SURF4: variants seen among roughly 807,000 people sequenced by gnomAD.
SURF4 encodes the protein surfeit locus protein 4.
A neutral mutation model predicts 30.0 loss-of-function variants in SURF4; 3 were observed. The observed-to-expected ratio is 0.10, with a 90% CI of 0.05 to 0.26. The LOEUF is 0.26. Among genes scored for constraint, SURF4 ranks in the 10% least tolerant of loss-of-function variants. The pLI, the probability that SURF4 is intolerant of heterozygous loss-of-function variation, is 1.00. For missense variants in SURF4, 217 were observed against 350.8 expected (o/e 0.62, Z 3.05); for synonymous variants, 143 against 139.9 (o/e 1.02, Z -0.16).
At chr9:133,373,402 C>A (rs1296954140) in intron 1 of SURF4, among the ~76,000 whole-genome samples, 1 of 152,156 alleles carries the variant, frequency 6.6e-6, no homozygotes, top group Admixed American at 6.5e-5. Context: ...TGAGACCAGC[C>A]TGGACAACAT....
chr9:133,375,989 G>C lies in SURF4; in HGVS notation c.-20C>G. On this transcript the variant is annotated 5_prime_UTR_variant, in exon 1 of 6. Coordinates refer to ENST00000371989, the MANE Select transcript of SURF4 (RefSeq NM_033161.4). ...GCCCATGGCGACGGCGGGAGGCTCGGCTCGGCTCGCTCGCTCGCTCGCTGG... is the reference window on the plus strand; with the variant it reads ...GCCCATGGCGACGGCGGGAGGCTCGCCTCGGCTCGCTCGCTCGCTCGCTGG... 1 of 1,224,162 alleles carries C rather than the reference G, an allele frequency of 8.2e-7. No homozygotes were observed. The highest frequency in any genetic ancestry group is 1.0e-6 in the Non-Finnish European group (1 of 980,704). 75.8% of individuals were successfully genotyped at this position (1,224,162 alleles called of 1,614,324 possible).
chr9:133,374,022 T>C (rs1040413307), intron 1 of SURF4, among the ~76,000 whole-genome samples: 2 of 151,676 alleles, frequency 1.3e-5, no homozygotes, highest in African/African-American at 4.8e-5. Context: ...GCAGCTTGAC[T>C]GGAGACATTT....
chr9:133,366,878 G>A lies in SURF4; in HGVS notation c.236-203C>T, dbSNP rs150785510. 1.9e-3 allele frequency among the ~76,000 whole-genome samples: 297 copies of A among 152,318 alleles called. 1 individual carries two copies. The highest frequency in any genetic ancestry group is 6.9e-3 in the African/African-American group (285 of 41,562). ...CTAGACTTATCACAAACACCAGAAAGTGGAGCCCTTGCCGTCATAAAGAAT... is the reference window on the plus strand; with the variant it reads ...CTAGACTTATCACAAACACCAGAAAATGGAGCCCTTGCCGTCATAAAGAAT... On this transcript the variant is annotated intron_variant, in intron 2 of 5. Coordinates refer to ENST00000371989, the MANE Select transcript of SURF4 (RefSeq NM_033161.4).
chr9:133,372,062 A>T (rs1837539858), intron 1 of SURF4, among the ~76,000 whole-genome samples: 2 of 152,250 alleles, frequency 1.3e-5, no homozygotes. Context: ...AATGAGGAGC[A>T]GCTGCAGGCA....
chr9:133,376,490 C>G (rs2130248480), upstream of SURF4: 17 of 1,594,706 alleles, frequency 1.1e-5, no homozygotes, highest in Non-Finnish European at 1.4e-5. Flanking sequence ...GGGCCAGGGT[C>G]CAATCGCAGG....
chr9:133,366,837 A>G (rs2130133648), intron 2 of SURF4, among the ~76,000 whole-genome samples, 162 bp from the exon 3 acceptor site: 6 of 152,192 alleles, frequency 3.9e-5, no homozygotes, highest in Non-Finnish European at 5.9e-5. Context: ...GGCAAGGACC[A>G]CACATGGTAA....
At chr9:133,375,521 G>T in intron 1 of SURF4, 1 of 688,090 alleles carries the variant, frequency 1.5e-6, no homozygotes, top group Non-Finnish European at 1.8e-6. Context: ...GGGAGCCCCA[G>T]TGAGAGGAAA....
intron 1 of SURF4, among the ~76,000 whole-genome samples, chr9:133,373,157 C>T (rs2130203853): frequency 0.014 from 2,111 of 152,294 alleles, 64 homozygotes; most frequent in African/African-American, 0.047. Flanking sequence ...GACCAAGACC[C>T]GGCTTTTCTT....
intron 1 of SURF4, chr9:133,372,720 G>T (rs1184321364): frequency 2.4e-6 from 2 of 816,358 alleles, no homozygotes; most frequent in South Asian, 1.1e-4. Context: ...ATCCTCTATC[G>T]GCTTCAAATT....
Position 133,363,627 on chromosome 9 carries a change from G to C in SURF4, c.676C>G (p.Pro226Ala). The change falls in exon 6 of 6, where the codon CCA (proline) becomes GCA (alanine). Residue 226 changes from proline to alanine, a missense_variant. By Grantham distance (27) the Pro-to-Ala change is conservative. Coordinates refer to ENST00000371989, the MANE Select transcript of SURF4 (RefSeq NM_033161.4). This position sits in a 1 kb window ranked among gnomAD's most constrained non-coding sequence, Gnocchi z 4.3. ...AAGTCATGCATGGGCTTGTAGACTGGAATGGTCCAGAAGGCGTTGAAATAT... is the reference window on the plus strand; with the variant it reads ...AAGTCATGCATGGGCTTGTAGACTGCAATGGTCCAGAAGGCGTTGAAATAT... ...NVYFNAFWTI[P>A]VYKPMHDFLK... is the part of the protein sequence containing the mutation. 1 of 1,614,202 alleles carries C rather than the reference G, an allele frequency of 6.2e-7. No individual in the cohort carries two copies. The highest frequency in any genetic ancestry group is 8.5e-7 in the Non-Finnish European group (1 of 1,180,042).
intron 1 of SURF4, chr9:133,367,658 A>G (rs2130147777): frequency 3.0e-6 from 4 of 1,351,790 alleles, no homozygotes; most frequent in Admixed American, 2.4e-5. Context: ...CAACAATCCA[A>G]GGATCAGTCC....
At chr9:133,364,339 G>A (rs1837026954) in intron 5 of SURF4, among the ~76,000 whole-genome samples, 1 of 152,208 alleles carries the variant, frequency 6.6e-6, no homozygotes, top group South Asian at 2.1e-4. Context: ...TCATTTGCTG[G>A]AAAGAAGGCT....
chr9:133,363,885 G>C lies in SURF4; in HGVS notation c.544-126C>G, dbSNP rs140889129. On this transcript the variant is annotated intron_variant, in intron 5 of 5. Coordinates refer to ENST00000371989, the MANE Select transcript of SURF4 (RefSeq NM_033161.4). This position sits in a 1 kb window ranked among gnomAD's most constrained non-coding sequence, Gnocchi z 4.3. ...ATCAGGCTGATGTAGCTACTGCTGAGACGGCTGCTGGTGCAAGTAGGGAGA... is the reference window on the plus strand; with the variant it reads ...ATCAGGCTGATGTAGCTACTGCTGACACGGCTGCTGGTGCAAGTAGGGAGA... The C allele has an allele frequency of 4.4e-4, 544 of 1,223,178 alleles. No homozygotes were observed. The African/African-American group carries it at 7.0e-3, about 16-fold the overall frequency. 75.8% of individuals were successfully genotyped at this position (1,223,178 alleles called of 1,614,324 possible).
chr9:133,367,276 T>C lies in SURF4; in HGVS notation c.218A>G (p.Asn73Ser), dbSNP rs2130138266. 3 of 1,614,072 alleles carry C rather than the reference T, an allele frequency of 1.9e-6. No individual in the cohort carries two copies. The highest frequency in any genetic ancestry group is 1.1e-5 in the South Asian group (1 of 91,080). The change falls in exon 2 of 6, where the codon AAC becomes AGC. Residue 73 changes from asparagine to serine, a missense_variant. Asn to Ser is a conservative substitution (Grantham distance 46, BLOSUM62 1). Coordinates refer to ENST00000371989, the MANE Select transcript of SURF4 (RefSeq NM_033161.4). Reference sequence around the variant, plus strand: ...CCACTCACTCAGCTGTCCCAGCAAGTTGAGGAAGACGAAGGACGAGGCCAG... The same window carrying C: ...CCACTCACTCAGCTGTCCCAGCAAGCTGAGGAAGACGAAGGACGAGGCCAG... ...YLLASSFVFLNLLGQLTGCVL... is the reference protein window; with the variant it reads ...YLLASSFVFLSLLGQLTGCVL...
chr9:133,365,451 T>C (rs1480631160), intron 4 of SURF4, among the ~76,000 whole-genome samples: 4 of 152,204 alleles, frequency 2.6e-5, no homozygotes, highest in Admixed American at 2.0e-4. Context: ...CTTCAGAACC[T>C]GTTTCTAAGA....
intron 3 of SURF4, 140 bp from the exon 4 acceptor site, chr9:133,366,168 G>A (rs1837158834): frequency 1.3e-6 from 1 of 771,970 alleles, no homozygotes; most frequent in Non-Finnish European, 2.1e-6. Flanking sequence ...ACCGAGGACA[G>A]ATCTAAGCTC....
At position 133,371,226 on chromosome 9, in the gene SURF4, T is replaced by TG. The variant is rs968470822; in HGVS notation, c.49-3782dup. 9.3e-6 allele frequency: 7 copies of TG among 748,782 alleles called. No homozygotes were observed. In the African/African-American group the frequency reaches 1.1e-4, roughly 12 times the overall value. The allele number at this position is 748,782 out of a possible 1,614,324, so 46.4% of individuals were successfully genotyped here. A position where few individuals can be genotyped will look rare whatever the true frequency, so the allele number is the denominator to read the frequency against. On this transcript the variant is annotated intron_variant, in intron 1 of 5. Transcript: ENST00000371989. Reference sequence around the variant, plus strand: ...ACGAAAAAGGCAGGTCAGATTTCCTTGATCACCAAGGACTGGGGCTGCCTT... The same window carrying TG: ...ACGAAAAAGGCAGGTCAGATTTCCTTGGATCACCAAGGACTGGGGCTGCCTT...
At chr9:133,369,434 C>A (rs2130169699) in intron 1 of SURF4, among the ~76,000 whole-genome samples, 4 of 152,160 alleles carry the variant, frequency 2.6e-5, no homozygotes, top group Non-Finnish European at 5.9e-5. Context: ...TCTCTACTAT[C>A]CTGCAGTAGA....
chr9:133,363,190 C>A lies in SURF4; in HGVS notation c.*303G>T, dbSNP rs1836930193. On this transcript the variant is annotated 3_prime_UTR_variant, in exon 6 of 6. Coordinates refer to ENST00000371989, the MANE Select transcript of SURF4 (RefSeq NM_033161.4). The surrounding 1 kb of genome is among the most constrained non-coding windows in gnomAD (Gnocchi z 4.3). ...CCTCCTGTACCCCCACAAAAAAACT[C>A]AAAAATAGGACTGAGATGCCACAGC... The A allele has an allele frequency of 3.3e-6, 2 of 599,262 alleles. No homozygotes were observed. The highest frequency in any genetic ancestry group is 3.0e-6 in the Non-Finnish European group (1 of 335,598). The allele number at this position is 599,262 out of a possible 1,614,324, so 37.1% of individuals were successfully genotyped here.
Sources: allele counts gnomAD v4.1 joint callset (sites outside exome capture counted in the v4.1 genomes callset), GRCh38; gene constraint gnomAD v4.1.1; non-coding constraint Gnocchi (gnomAD v3.1); transcripts MANE v1.5; gene names NCBI Gene and HGNC (gene_info 2026-07-23, HGNC 2026-07-21).